GRM7: variants seen among roughly 807,000 people sequenced by gnomAD.
GRM7 encodes glutamate metabotropic receptor 7, also known as metabotropic glutamate receptor 7.
Under a neutral mutation model 84.5 loss-of-function variants are expected in GRM7, and 35 were observed. The observed-to-expected ratio is 0.41, with a 90% CI of 0.32 to 0.55. GRM7 has a LOEUF of 0.55. GRM7 is among the 20% of genes least tolerant of loss of function. GRM7 has a pLI of 0.19. For missense variants in GRM7, 1,003 were observed against 1,194.6 expected (o/e 0.84, Z 2.36); for synonymous variants, 487 against 455.1 (o/e 1.07, Z -0.89).
intron 1 of GRM7, among the ~76,000 whole-genome samples, chr3:6,933,886 G>A (rs1200656321): frequency 6.6e-6 from 1 of 152,114 alleles, no homozygotes; most frequent in Non-Finnish European, 1.5e-5. Flanking sequence ...AATACAAATG[G>A]TAGGAAATAT....
Position 7,740,477 on chromosome 3 carries a change from C to CCAAAGAGTCCTA in GRM7, c.*71_*72insCAAAGAGTCCTA. 5 of 851,990 alleles carry CCAAAGAGTCCTA rather than the reference C, an allele frequency of 5.9e-6. No individual in the cohort carries two copies. The highest frequency in any genetic ancestry group is 9.2e-6 in the Non-Finnish European group (5 of 542,972). 52.8% of individuals were successfully genotyped at this position (851,990 alleles called of 1,614,324 possible). ...TTTTGTCACCCAACCTGGCATAGGA[C>CCAAAGAGTCCTA]TCTTTGGTCCTACCCGCTTCCCATC... On this transcript the variant is annotated 3_prime_UTR_variant, in exon 10 of 10. Transcript: ENST00000357716.
intron 4 of GRM7, among the ~76,000 whole-genome samples, chr3:7,400,137 A>C (rs1695388316): frequency 6.6e-6 from 1 of 152,154 alleles, no homozygotes; most frequent in Admixed American, 6.5e-5. Context: ...ACTAGGACAA[A>C]ATATTGTGTC....
chr3:6,924,953 G>A (rs937654940), intron 1 of GRM7, among the ~76,000 whole-genome samples: 6 of 152,040 alleles, frequency 3.9e-5, no homozygotes, highest in African/African-American at 1.4e-4. Flanking sequence ...CTTGACTCTT[G>A]TTTCATAATA....
chr3:7,446,464 GT>G (rs370257829), intron 5 of GRM7, among the ~76,000 whole-genome samples: 17,420 of 128,694 alleles, frequency 0.14, 477 homozygotes, highest in African/African-American at 0.21. Flanking sequence ...TTTTTTTTTT[GT>G]TTTTTTTTTT....
intron 7 of GRM7, among the ~76,000 whole-genome samples, chr3:7,540,252 G>A (rs1368306623): frequency 6.6e-6 from 1 of 152,166 alleles, no homozygotes; most frequent in Admixed American, 6.5e-5. Context: ...AGAATTGAAA[G>A]CATATGTCCA....
intron 1 of GRM7, among the ~76,000 whole-genome samples, chr3:7,134,138 C>T (rs1693694381): frequency 6.6e-6 from 1 of 152,050 alleles, no homozygotes; most frequent in Admixed American, 6.6e-5. Flanking sequence ...CATCTTAACC[C>T]TGTGATGTGT....
chr3:6,893,449 C>T (rs565162132), intron 1 of GRM7, among the ~76,000 whole-genome samples: 3 of 152,240 alleles, frequency 2.0e-5, no homozygotes, highest in African/African-American at 7.2e-5. Flanking sequence ...CCTAATTCGG[C>T]CTCTAACTCA....
intron 7 of GRM7, among the ~76,000 whole-genome samples, chr3:7,558,173 A>T (rs1242349337): frequency 1.3e-5 from 2 of 152,122 alleles, no homozygotes; most frequent in Non-Finnish European, 2.9e-5. Flanking sequence ...ACTTGGATGC[A>T]TCTTTTAAAT....
At position 7,405,765 on chromosome 3, in the gene GRM7, T is replaced by G. The variant is rs1045478460; in HGVS notation, c.1034-9258T>G. On this transcript the variant is annotated intron_variant, in intron 4 of 9. Coordinates refer to ENST00000357716, the MANE Select transcript of GRM7 (RefSeq NM_000844.4). ...TGTTTTATGTGGCATGTGTCTGTGTTTTGCTTTATAGATGTATAAGGAATT... is the reference window on the plus strand; with the variant it reads ...TGTTTTATGTGGCATGTGTCTGTGTGTTGCTTTATAGATGTATAAGGAATT... 1.6e-4 allele frequency among the ~76,000 whole-genome samples: 24 copies of G among 152,100 alleles called. 1 individual carries two copies. Among genetic ancestry groups the G allele is most frequent in the Admixed American group, 1.3e-4 (2 of 15,264 alleles).
chr3:7,676,679 C>G (rs909077115), intron 8 of GRM7, among the ~76,000 whole-genome samples: 1 of 152,022 alleles, frequency 6.6e-6, no homozygotes, highest in East Asian at 1.9e-4. Flanking sequence ...GGTGATCTGC[C>G]CGCCTCGGCC....
chr3:7,484,377 C>T (rs113328219), intron 7 of GRM7, among the ~76,000 whole-genome samples: 56 of 152,154 alleles, frequency 3.7e-4, no homozygotes, highest in Non-Finnish European at 1.2e-4. Context: ...CTGTGGCTAT[C>T]TTCTAAAAAT....
intron 2 of GRM7, among the ~76,000 whole-genome samples, chr3:7,224,585 T>C (rs1158902202): frequency 6.6e-6 from 1 of 152,184 alleles, no homozygotes; most frequent in Non-Finnish European, 1.5e-5. Flanking sequence ...TTAAGAAATG[T>C]AAGAGAAATG....
chr3:7,457,420 C>T (rs1698065520), intron 6 of GRM7, among the ~76,000 whole-genome samples: 1 of 152,102 alleles, frequency 6.6e-6, no homozygotes, highest in Admixed American at 6.6e-5. Context: ...TTTTAGTTAT[C>T]TTTATGTTGG....
intron 2 of GRM7, among the ~76,000 whole-genome samples, chr3:7,242,808 A>T (rs1173372645): frequency 6.6e-6 from 1 of 152,104 alleles, no homozygotes; most frequent in Non-Finnish European, 1.5e-5. Context: ...CCATTTGTTA[A>T]TTATGCCTTT....
At chr3:7,230,024 A>T (rs1208005628) in intron 2 of GRM7, among the ~76,000 whole-genome samples, 1 of 150,744 alleles carries the variant, frequency 6.6e-6, no homozygotes, top group Non-Finnish European at 1.5e-5. Flanking sequence ...CGTTTTTAGT[A>T]GAGACGGGGT....
intron 1 of GRM7, among the ~76,000 whole-genome samples, chr3:6,978,732 AC>A (rs1415074014): frequency 3.9e-5 from 6 of 152,140 alleles, no homozygotes; most frequent in Non-Finnish European, 8.8e-5. Flanking sequence ...AAAGGAAAGG[AC>A]CTCTTGGAAC....
chr3:6,890,101 C>T (rs1344115940), intron 1 of GRM7, among the ~76,000 whole-genome samples: 5 of 151,832 alleles, frequency 3.3e-5, no homozygotes, highest in Admixed American at 1.3e-4. Flanking sequence ...TTTTTTATTG[C>T]GTCTATTTGA....
intron 7 of GRM7, among the ~76,000 whole-genome samples, chr3:7,485,953 T>C (rs762036508): frequency 6.6e-6 from 1 of 152,190 alleles, no homozygotes; most frequent in Non-Finnish European, 1.5e-5. Context: ...AGCTGTAACT[T>C]AAGGTGCCTT....
At chr3:7,457,048 C>A (rs1698047735) in intron 6 of GRM7, among the ~76,000 whole-genome samples, 1 of 152,138 alleles carries the variant, frequency 6.6e-6, no homozygotes, top group Non-Finnish European at 1.5e-5. Context: ...GAACTCAAGT[C>A]TTTTTCCAAT....
Sources: allele counts gnomAD v4.1 joint callset (sites outside exome capture counted in the v4.1 genomes callset), GRCh38; gene constraint gnomAD v4.1.1; transcripts MANE v1.5; gene names NCBI Gene and HGNC (gene_info 2026-07-23, HGNC 2026-07-21).